The following LRRC63 variants were observed in gnomAD, a reference collection of about 807,000 sequenced individuals.
LRRC63 encodes the protein leucine-rich repeat-containing protein 63.
In LRRC63, 40 loss-of-function variants were observed where a neutral mutation model predicts 49.5. The observed-to-expected ratio is 0.81, with a 90% CI of 0.63 to 1.05. The LOEUF (loss-of-function observed/expected upper bound fraction) is 1.05. Ranked by LOEUF, LRRC63 falls within the 50% of genes least tolerant of loss-of-function variation. LRRC63 has a pLI of 0.00. For missense variants in LRRC63, 636 were observed against 663.1 expected, an observed-to-expected ratio of 0.96 and a Z score of 0.45; for synonymous variants, 191 against 221.1, an observed-to-expected ratio of 0.86 and a Z score of 1.21.
intron 3 of LRRC63, among the ~76,000 whole-genome samples, chr13:46,228,441 C>A (rs188929773): frequency 1.3e-5 from 2 of 152,066 alleles, no homozygotes; most frequent in Non-Finnish European, 2.9e-5. Flanking sequence ...TTCAAAGGAT[C>A]GGAAAAGCTA....
chr13:46,262,878 T>C (rs1035039937), intron 8 of LRRC63, among the ~76,000 whole-genome samples: 5 of 152,342 alleles, frequency 3.3e-5, no homozygotes, highest in African/African-American at 1.2e-4. Context: ...CAAGTTCTTC[T>C]GTTAGTTCTG....
intron 9 of LRRC63, among the ~76,000 whole-genome samples, chr13:46,274,467 A>G (rs1473755356): frequency 6.6e-6 from 1 of 152,062 alleles, no homozygotes; most frequent in Admixed American, 6.5e-5. Flanking sequence ...CACTAAAGTC[A>G]CTCTAAGCTC....
At chr13:46,219,375 T>C (rs1409269493) in intron 2 of LRRC63, among the ~76,000 whole-genome samples, 1 of 152,246 alleles carries the variant, frequency 6.6e-6, no homozygotes, top group African/African-American at 2.4e-5. Flanking sequence ...TGATATCCTT[T>C]CTTCTGCTGA....
chr13:46,217,003 G>A (rs192008120), intron 2 of LRRC63, among the ~76,000 whole-genome samples: 84 of 152,250 alleles, frequency 5.5e-4, no homozygotes, highest in Admixed American at 2.4e-3. Flanking sequence ...TGCTGGATTC[G>A]GTTTGCCACT....
At chr13:46,228,827 T>G in intron 4 of LRRC63, 94 bp downstream of exon 4, 1 of 804,058 alleles carries the variant, frequency 1.2e-6, no homozygotes, top group African/African-American at 1.7e-5. Context: ...ATGTGTGTGA[T>G]TCACACATGC....
chr13:46,264,437 T>TTTAGTTAGTTAG (rs140900422), intron 8 of LRRC63, among the ~76,000 whole-genome samples: 221 of 151,516 alleles, frequency 1.5e-3, no homozygotes, highest in African/African-American at 5.1e-3. Flanking sequence ...TATTTATTTA[T>TTTAGTTAGTTAG]TTAGTTAGTT....
intron 2 of LRRC63, among the ~76,000 whole-genome samples, chr13:46,226,101 A>C (rs1247496054): frequency 1.3e-5 from 2 of 151,700 alleles, no homozygotes; most frequent in African/African-American, 4.9e-5. Context: ...CTCCCACCTC[A>C]GCCTTCTGAG....
intron 5 of LRRC63, among the ~76,000 whole-genome samples, chr13:46,236,712 A>G (rs1805227247): frequency 6.6e-6 from 1 of 152,208 alleles, no homozygotes; most frequent in Admixed American, 6.5e-5. Flanking sequence ...ATTAGACAGC[A>G]ACTCAAAGTC....
intron 9 of LRRC63, among the ~76,000 whole-genome samples, chr13:46,268,430 GAT>G (rs1359122604): frequency 6.6e-6 from 1 of 152,094 alleles, no homozygotes; most frequent in African/African-American, 2.4e-5. Flanking sequence ...AGTAATAAAA[GAT>G]ATGAATTCGC....
chr13:46,239,516 G>A (rs116340536), intron 5 of LRRC63, among the ~76,000 whole-genome samples: 1,929 of 152,186 alleles, frequency 0.013, 39 homozygotes, highest in African/African-American at 0.044. Flanking sequence ...ACCAAAAAAA[G>A]CCCAGTGCTA....
In LRRC63 at chr13:46,212,991, T is replaced by C; in HGVS notation, c.-33-11T>C. 7.6e-7 allele frequency: 1 copy of C among 1,319,406 alleles called. No individual in the cohort carries two copies. Among genetic ancestry groups the C allele is most frequent in the Non-Finnish European group, 1.1e-6 (1 of 951,782 alleles). 81.7% of individuals were successfully genotyped at this position (1,319,406 alleles called of 1,614,324 possible). A position where few individuals can be genotyped will look rare whatever the true frequency, so the allele number is the denominator to read the frequency against. ...ATATTCAAAACCTTTTCAATTCTCA[T>C]TTAAACCAAGGATTATGAAAAACAG... On this transcript the variant is annotated splice_polypyrimidine_tract_variant and intron_variant, in intron 1 of 9. Coordinates refer to ENST00000595396, the Ensembl canonical transcript of LRRC63.
intron 2 of LRRC63, among the ~76,000 whole-genome samples, chr13:46,223,184 A>G (rs1336868639): frequency 6.6e-6 from 1 of 152,024 alleles, no homozygotes; most frequent in Non-Finnish European, 1.5e-5. Context: ...CACATTGTGC[A>G]CATGTACCCT....
At chr13:46,217,965 A>G (rs146795469) in intron 2 of LRRC63, among the ~76,000 whole-genome samples, 22 of 151,262 alleles carry the variant, frequency 1.5e-4, no homozygotes, top group Non-Finnish European at 2.4e-4. Context: ...CACTGAAGAG[A>G]CTATTTGTTG....
At chr13:46,254,454 A>G (rs1386587760) in intron 7 of LRRC63, among the ~76,000 whole-genome samples, 1 of 152,128 alleles carries the variant, frequency 6.6e-6, no homozygotes, top group Non-Finnish European at 1.5e-5. Context: ...TCTGGTCTTG[A>G]ACAGGAGGAG....
At chr13:46,252,061 C>T (rs924523429) in intron 7 of LRRC63, among the ~76,000 whole-genome samples, 4 of 151,914 alleles carry the variant, frequency 2.6e-5, no homozygotes, top group African/African-American at 9.6e-5. Flanking sequence ...AGAATGACAG[C>T]ATATTAAAGC....
intron 3 of LRRC63, 59 bp from the exon 4 acceptor site, chr13:46,228,606 C>A: frequency 2.0e-6 from 2 of 991,446 alleles, no homozygotes; most frequent in Non-Finnish European, 3.1e-6. Context: ...AGTCATAAAA[C>A]CCTCAAGTGA....
intron 4 of LRRC63, among the ~76,000 whole-genome samples, chr13:46,233,282 C>T (rs752527698): frequency 2.0e-5 from 3 of 152,194 alleles, no homozygotes; most frequent in Non-Finnish European, 4.4e-5. Flanking sequence ...AATTCACTCT[C>T]TTTCCCTTCT....
In LRRC63 at chr13:46,228,706, A is replaced by G. The variant is rs758547066; in HGVS notation, c.805A>G (p.Lys269Glu). 27 of 1,546,524 alleles carry G rather than the reference A, an allele frequency of 1.7e-5. No individual in the cohort carries two copies. In the Admixed American group the frequency reaches 1.8e-4, roughly 10 times the overall value. ...AAATGGAAATATAGAAAGTGTCCCA[A>G]AGCAAATCCCACCAAGACCACCTGA... is the stretch of plus-strand genomic sequence containing the variant. Residue 269 changes from lysine to glutamate, a missense_variant, in exon 4 of 10, where the codon AAG becomes GAG. Transcript: ENST00000595396.
exon 3 of LRRC63, chr13:46,227,920 C>T: frequency 6.4e-7 from 1 of 1,550,618 alleles, no homozygotes; most frequent in Non-Finnish European, 8.7e-7. Flanking sequence ...ACTCCTGGCT[C>T]AGTTATCGCT....
Sources: allele counts gnomAD v4.1 joint callset (sites outside exome capture counted in the v4.1 genomes callset), GRCh38; gene constraint gnomAD v4.1.1; transcripts MANE v1.5; gene names NCBI Gene and HGNC (gene_info 2026-07-23, HGNC 2026-07-21).